SETX: variants seen among roughly 807,000 people sequenced by gnomAD.
SETX encodes senataxin.
In SETX, 90 loss-of-function variants were observed where a neutral mutation model predicts 227.2. The observed-to-expected ratio is 0.40, with a 90% CI of 0.33 to 0.47. The LOEUF (loss-of-function observed/expected upper bound fraction) is 0.47. Among genes scored for constraint, SETX ranks in the 20% least tolerant of loss-of-function variants. The probability of loss-of-function intolerance (pLI) is 0.91; values close to 1 mark genes in which losing one functional copy is unlikely to be tolerated. For synonymous variants in SETX, 1,210 were observed against 1,113.2 expected (o/e 1.09, Z -1.73); for missense variants, 3,052 against 3,181.5 (o/e 0.96, Z 0.98).
chr9:132,292,415 C>CAAAAAAAA (rs60253119), intron 15 of SETX, among the ~76,000 whole-genome samples: 302 of 60,434 alleles, frequency 5.0e-3, no homozygotes, highest in Middle Eastern at 0.014. Context: ...AGCTGGGGTA[C>CAAAAAAAA]AAAAAAAAAA....
intron 19 of SETX, 26 bp downstream of exon 19, chr9:132,283,238 A>C (rs748920466): frequency 1.2e-6 from 2 of 1,614,192 alleles, no homozygotes; most frequent in South Asian, 2.2e-5. Context: ...TAGTAGTCAA[A>C]GTTGTATGGC....
Position 132,328,841 on chromosome 9 carries a change from T to A in SETX, c.2757A>T (p.Val919=). The change falls in exon 10 of 26, where the codon GTA becomes GTT. Residue 919 remains valine (V), a synonymous_variant. Transcript: ENST00000224140. ...TCATCTCCTCATCTCTTGATTCAGG[T>A]ACAGTCATAAGATCTTTAAAGGGAG... ...KSSPFKDLMT[V]PESRDEEMSN... 6.2e-7 allele frequency: 1 copy of A among 1,613,730 alleles called. No homozygotes were observed. Among genetic ancestry groups the A allele is most frequent in the Non-Finnish European group, 8.5e-7 (1 of 1,179,878 alleles).
At chr9:132,332,700 C>T (rs747330576) in intron 7 of SETX, among the ~76,000 whole-genome samples, 2 of 151,698 alleles carry the variant, frequency 1.3e-5, no homozygotes, top group Non-Finnish European at 2.9e-5. Flanking sequence ...GGCAGGAGGA[C>T]TGCTTGAGGT....
At chr9:132,280,582 TGA>T (rs1843444480) in intron 20 of SETX, among the ~76,000 whole-genome samples, 1 of 152,234 alleles carries the variant, frequency 6.6e-6, no homozygotes, top group African/African-American at 2.4e-5. Context: ...ACTATCATTC[TGA>T]ATAATTCCGA....
At chr9:132,309,013 C>T (rs1845493917) in intron 11 of SETX, among the ~76,000 whole-genome samples, 1 of 152,112 alleles carries the variant, frequency 6.6e-6, no homozygotes, top group Admixed American at 6.5e-5. Flanking sequence ...TGGTGCACAC[C>T]TGTAGTCCTA....
intron 10 of SETX, among the ~76,000 whole-genome samples, chr9:132,323,423 T>A (rs1846495775): frequency 6.6e-6 from 1 of 152,172 alleles, no homozygotes; most frequent in South Asian, 2.1e-4. Flanking sequence ...TGAAGATATC[T>A]TTCACATAGT....
chr9:132,285,834 T>A (rs1316021020), intron 18 of SETX, among the ~76,000 whole-genome samples: 1 of 120,866 alleles, frequency 8.3e-6, no homozygotes, highest in East Asian at 2.7e-4. Flanking sequence ...GAGCTGAGAT[T>A]GTGCCACTGC....
At chr9:132,322,405 C>T (rs868809065) in intron 10 of SETX, among the ~76,000 whole-genome samples, 1 of 152,158 alleles carries the variant, frequency 6.6e-6, no homozygotes, top group Admixed American at 6.5e-5. Flanking sequence ...CTTCCTTCCC[C>T]TGACTACTAC....
At chr9:132,320,272 G>A (rs1378067961) in intron 10 of SETX, among the ~76,000 whole-genome samples, 2 of 151,926 alleles carry the variant, frequency 1.3e-5, no homozygotes, top group African/African-American at 4.8e-5. Context: ...ACCAAATTTG[G>A]TAACCCCAAA....
At position 132,288,330 on chromosome 9, in the gene SETX, AC is replaced by A; in HGVS notation, c.6229del (p.Val2077PhefsTer11). The A allele has an allele frequency of 6.2e-7, 1 of 1,613,802 alleles. No homozygotes were observed. Among genetic ancestry groups the A allele is most frequent in the Non-Finnish European group, 8.5e-7 (1 of 1,179,632 alleles). ...TTCCTTTCTTTTATGCATCGCCTGA[AC>A]ATGAGAAGGTAACTCTTTTTCTAAT... ...HRMKKELPSH[V>X]QAMHKRKEFL... On this transcript the variant is annotated frameshift_variant, in exon 17 of 26. Coordinates refer to ENST00000224140, the MANE Select transcript of SETX (RefSeq NM_015046.7). LOFTEE classifies it high-confidence loss of function.
chr9:132,289,522 C>A (rs994431890), intron 15 of SETX, among the ~76,000 whole-genome samples: 2 of 152,176 alleles, frequency 1.3e-5, no homozygotes, highest in Non-Finnish European at 2.9e-5. Context: ...TTCTTTGTCA[C>A]CACTGCACTT....
intron 10 of SETX, among the ~76,000 whole-genome samples, chr9:132,315,129 G>A (rs1235763342): frequency 6.6e-6 from 1 of 152,042 alleles, no homozygotes; most frequent in Non-Finnish European, 1.5e-5. Context: ...GGCCAGGCTG[G>A]TCTCAAACTC....
chr9:132,310,541 C>T (rs11243725), intron 11 of SETX, among the ~76,000 whole-genome samples: 2,148 of 152,318 alleles, frequency 0.014, 54 homozygotes, highest in African/African-American at 0.049. Flanking sequence ...GAGGCTGCCC[C>T]TTGGCTGGTA....
chr9:132,301,299 G>T (rs955090213), intron 11 of SETX, among the ~76,000 whole-genome samples: 1 of 151,912 alleles, frequency 6.6e-6, no homozygotes, highest in Non-Finnish European at 1.5e-5. Flanking sequence ...GTGTTAGCCA[G>T]GATGGTCTCG....
intron 21 of SETX, among the ~76,000 whole-genome samples, chr9:132,277,587 T>C (rs1011119756): frequency 3.3e-5 from 5 of 152,124 alleles, no homozygotes; most frequent in African/African-American, 1.2e-4. Context: ...GAAAGCAGCC[T>C]GGGCAACATA....
chr9:132,309,907 G>A (rs756267541), intron 11 of SETX, among the ~76,000 whole-genome samples: 1 of 152,042 alleles, frequency 6.6e-6, no homozygotes, highest in Non-Finnish European at 1.5e-5. Context: ...TAAGAAACGG[G>A]ACACAGAGCA....
intron 7 of SETX, among the ~76,000 whole-genome samples, chr9:132,333,253 C>T (rs900659514): frequency 1.3e-5 from 2 of 151,206 alleles, no homozygotes; most frequent in Admixed American, 6.6e-5. Context: ...GTGGTGCATA[C>T]CTGTAATCCC....
rs745675078 is a variant in SETX, at chr9:132,329,601, C to A, written c.1997G>T (p.Gly666Val). The change falls in exon 10 of 26, where the codon GGT becomes GTT. Residue 666 changes from glycine to valine, a missense_variant. Around this residue, in one of 10 missense-constraint regions of SETX, gnomAD observed 1,483 missense variants for 1,312.0 expected, o/e 1.13. Coordinates refer to ENST00000224140, the MANE Select transcript of SETX (RefSeq NM_015046.7). ...VLIKADNTIE[G>V]DNNEQNYIKD... Reference sequence around the variant, plus strand: ...TATATAATTTTGCTCATTATTGTCACCTTCTATAGTGTTATCTGCTTTGAT... The same window carrying A: ...TATATAATTTTGCTCATTATTGTCAACTTCTATAGTGTTATCTGCTTTGAT... 3.7e-6 allele frequency: 6 copies of A among 1,613,826 alleles called. No homozygotes were observed. The Admixed American group carries it at 1.0e-4, about 27-fold the overall frequency.
At chr9:132,277,017 A>C in intron 22 of SETX, 43 bp downstream of exon 22, 1 of 1,488,744 alleles carries the variant, frequency 6.7e-7, no homozygotes, top group Non-Finnish European at 9.4e-7. Context: ...ATCATGTAAC[A>C]ATTCTGGGAC....
Sources: allele counts gnomAD v4.1 joint callset (sites outside exome capture counted in the v4.1 genomes callset), GRCh38; gene constraint gnomAD v4.1.1; regional missense constraint gnomAD v4.1.1; transcripts MANE v1.5; gene names NCBI Gene and HGNC (gene_info 2026-07-23, HGNC 2026-07-21).